KRT86: variants seen among roughly 807,000 people sequenced by gnomAD.
The protein encoded by KRT86 is keratin 86.
Under a neutral mutation model 41.2 loss-of-function variants are expected in KRT86, and 30 were observed. That is an observed-to-expected ratio of 0.73 (90% CI 0.54 to 0.99). The LOEUF (loss-of-function observed/expected upper bound fraction) is 0.99, where lower values mean the gene tolerates loss of function less well. Among genes scored for constraint, KRT86 ranks in the 50% least tolerant of loss-of-function variants. The probability of loss-of-function intolerance (pLI) is 0.00; values close to 1 mark genes in which losing one functional copy is unlikely to be tolerated. For synonymous variants in KRT86, 238 were observed against 238.1 expected (o/e 1.00, Z 0.00); for missense variants, 561 against 571.4 (o/e 0.98, Z 0.19).
At chr12:52,297,493 T>C (rs1451436022) in intron 2 of KRT86, among the ~76,000 whole-genome samples, 1 of 152,196 alleles carries the variant, frequency 6.6e-6, no homozygotes, top group South Asian at 2.1e-4. Context: ...TCAACTATCT[T>C]GAGGAGTCTG....
In KRT86 at chr12:52,305,272, C is replaced by T. The variant is rs371492790; in HGVS notation, c.768C>T (p.Asp256=). The T allele has an allele frequency of 6.2e-7, 1 of 1,614,232 alleles. No individual in the cohort carries two copies. Residue 256 remains aspartate (D), a synonymous_variant, in exon 7 of 11, where the codon GAC becomes GAT. Coordinates refer to ENST00000423955, the MANE Select transcript of KRT86 (RefSeq NM_001320198.2). Reference sequence around the variant, plus strand: ...GCGTTCTCCAGTCCCACATCTCAGACACCTCCGTGGTTGTCAAGCTGGACA... The same window carrying T: ...GCGTTCTCCAGTCCCACATCTCAGATACCTCCGTGGTTGTCAAGCTGGACA... The part of the protein sequence containing the change: ...EIRVLQSHIS[D]TSVVVKLDNS...
intron 2 of KRT86, chr12:52,291,234 T>C (rs1938107434): frequency 1.3e-6 from 2 of 1,494,762 alleles, no homozygotes; most frequent in Non-Finnish European, 9.0e-7. Flanking sequence ...ACGGTGGTGA[T>C]GCATGGGGGA....
chr12:52,298,200 G>T (rs1938291574), intron 2 of KRT86, among the ~76,000 whole-genome samples: 1 of 152,182 alleles, frequency 6.6e-6, no homozygotes, highest in Non-Finnish European at 1.5e-5. Flanking sequence ...GAGGCAATCA[G>T]GCTGGAGCAG....
At chr12:52,298,922 A>G (rs528689995) in intron 2 of KRT86, among the ~76,000 whole-genome samples, 2 of 151,906 alleles carry the variant, frequency 1.3e-5, no homozygotes, top group African/African-American at 2.4e-5. Flanking sequence ...TGGAATATCC[A>G]TCACCTCAAA....
chr12:52,308,914 G>T lies in KRT86; in HGVS notation c.*329G>T. ...GCTCTTCCCCAAAGCTTGGAGGAAC[G>T]GGGGAGGCCCGGGAATGTCCCTGTC... is the stretch of plus-strand genomic sequence containing the variant. On this transcript the variant is annotated 3_prime_UTR_variant, in exon 11 of 11. Coordinates refer to ENST00000423955, the MANE Select transcript of KRT86 (RefSeq NM_001320198.2). 2.7e-6 allele frequency: 1 copy of T among 368,154 alleles called. No individual in the cohort carries two copies. Among genetic ancestry groups the T allele is most frequent in the Non-Finnish European group, 5.1e-6 (1 of 197,738 alleles). 22.8% of individuals were successfully genotyped at this position (368,154 alleles called of 1,614,324 possible).
At position 52,285,209 on chromosome 12, in the gene KRT86, A is replaced by G. The variant is rs1268331941; in HGVS notation, c.-5+9263A>G. On this transcript the variant is annotated intron_variant, in intron 2 of 10. Transcript: ENST00000423955. ...AATACATTGCCCAACCCACTCACCTAGGAAGGACCAGGGCCCAGCTTGGGG... is the reference window on the plus strand; with the variant it reads ...AATACATTGCCCAACCCACTCACCTGGGAAGGACCAGGGCCCAGCTTGGGG... Among the ~76,000 whole-genome samples, 5 of 152,332 alleles carry G rather than the reference A, an allele frequency of 3.3e-5. No homozygotes were observed. The East Asian group carries it at 9.6e-4, about 29-fold the overall frequency.
In KRT86 at chr12:52,283,526, T is replaced by C. The variant is rs1937833054; in HGVS notation, c.-5+7580T>C. 3.1e-5 allele frequency among the ~76,000 whole-genome samples: 4 copies of C among 127,648 alleles called. No homozygotes were observed. In the South Asian group the frequency reaches 1.1e-3, roughly 36 times the overall value. 83.7% of individuals were successfully genotyped at this position (127,648 alleles called of 152,430 possible). On this transcript the variant is annotated intron_variant, in intron 2 of 10. Coordinates refer to ENST00000423955, the MANE Select transcript of KRT86 (RefSeq NM_001320198.2). ...AGAGTCTCGCTCTTGTTGCCCAGGC[T>C]GGAATGCAATGGCGCCATCTTGGCT...
intron 2 of KRT86, among the ~76,000 whole-genome samples, chr12:52,295,220 A>G (rs1938220906): frequency 6.6e-6 from 1 of 152,110 alleles, no homozygotes; most frequent in Non-Finnish European, 1.5e-5. Context: ...TTTGATGTTC[A>G]TCTTATACCA....
chr12:52,304,470 A>ATTC lies in KRT86; in HGVS notation c.639+300_639+301insTCT, dbSNP rs1186927909. Reference sequence around the variant, plus strand: ...GCTGAGGCCCCTGGAGCCATAGCAGATACAATGTCTCTGCTGAGAGACAGT... The same window carrying ATTC: ...GCTGAGGCCCCTGGAGCCATAGCAGATTCTACAATGTCTCTGCTGAGAGACAGT... On this transcript the variant is annotated intron_variant, in intron 5 of 10. Coordinates refer to ENST00000423955, the MANE Select transcript of KRT86 (RefSeq NM_001320198.2). 4.1e-3 allele frequency among the ~76,000 whole-genome samples: 620 copies of ATTC among 149,482 alleles called. 2 individuals are homozygous for ATTC. The highest frequency in any genetic ancestry group is 0.014 in the African/African-American group (582 of 40,690).
chr12:52,295,306 A>G (rs1565744919), intron 2 of KRT86, among the ~76,000 whole-genome samples: 1 of 151,976 alleles, frequency 6.6e-6, no homozygotes. Flanking sequence ...GGTTGGTGTT[A>G]TTATTCTCGT....
Position 52,308,551 on chromosome 12 carries a change from T to G in KRT86, c.1427T>G (p.Val476Gly), listed in dbSNP as rs1261782797. The change falls in exon 11 of 11, where the codon GTT becomes GGT. Residue 476 changes from valine (V) to glycine (G), a missense_variant. Around this residue, in one of 3 missense-constraint regions of KRT86, gnomAD observed 397 missense variants for 375.9 expected, o/e 1.06. Transcript: ENST00000423955. The part of the protein sequence containing the change: ...TTNACAPSAR[V>G]GVCGGSCKRC Reference sequence around the variant, plus strand: ...AACGCCTGCGCCCCCTCCGCCCGGGTTGGCGTCTGCGGCGGCAGCTGTAAG... The same window carrying G: ...AACGCCTGCGCCCCCTCCGCCCGGGGTGGCGTCTGCGGCGGCAGCTGTAAG... 1 of 1,600,268 alleles carries G rather than the reference T, an allele frequency of 6.2e-7. No individual in the cohort carries two copies. Among genetic ancestry groups the G allele is most frequent in the African/African-American group, 1.3e-5 (1 of 74,914 alleles).
chr12:52,306,629 T>C, intron 9 of KRT86: 1 of 431,542 alleles, frequency 2.3e-6, no homozygotes, highest in South Asian at 2.4e-5. Flanking sequence ...ATTCCTTCTC[T>C]TTTTCCTAGT....
chr12:52,305,862 T>C (rs1382323893), intron 8 of KRT86, 74 bp downstream of exon 8: 14 of 1,611,688 alleles, frequency 8.7e-6, no homozygotes, highest in Admixed American at 3.3e-5. Flanking sequence ...GTGTGCCCTA[T>C]CTGGATCTCA....
chr12:52,291,612 T>C (rs1938128628), intron 2 of KRT86: 2 of 1,296,256 alleles, frequency 1.5e-6, no homozygotes, highest in African/African-American at 1.5e-5. Flanking sequence ...TTGGGGCAAT[T>C]TGCGCTTTAT....
At chr12:52,305,073 G>T (rs771481867) in intron 6 of KRT86, 46 bp downstream of exon 6, 3 of 1,612,028 alleles carry the variant, frequency 1.9e-6, no homozygotes, top group Non-Finnish European at 2.5e-6. Context: ...CAGCAGAGAG[G>T]AGAGATGGGG....
chr12:52,288,050 A>G (rs779043874), intron 2 of KRT86: 40 of 1,613,970 alleles, frequency 2.5e-5, no homozygotes, highest in South Asian at 1.9e-4. Context: ...ACTGTGCCTT[A>G]ATCTCGGCAA....
At chr12:52,286,987 T>G in intron 2 of KRT86, 1 of 1,584,094 alleles carries the variant, frequency 6.3e-7, no homozygotes, top group Middle Eastern at 2.0e-4. Flanking sequence ...ACACCGGAAG[T>G]GAATAATAAT....
In KRT86 at chr12:52,306,114, C is replaced by G. The variant is rs376312545; in HGVS notation, c.1081C>G (p.Leu361Val). The G allele has an allele frequency of 2.2e-4, 363 of 1,613,906 alleles. No individual in the cohort carries two copies. Among genetic ancestry groups the G allele is most frequent in the Non-Finnish European group, 3.0e-4 (356 of 1,180,052 alleles). The change falls in exon 9 of 11, where the codon CTC (leucine) becomes GTC (valine). Residue 361 changes from leucine (L) to valine (V), a missense_variant. Around this residue, in one of 3 missense-constraint regions of KRT86, gnomAD observed 397 missense variants for 375.9 expected, o/e 1.06. Transcript: ENST00000423955. ...GTCTGAGCAGCAGGGTGAGGCGGCC[C>G]TCAGCGATGCCCGCTGCAAGTTGGC... ...AQSEQQGEAA[L>V]SDARCKLAEL...
chr12:52,306,109 C>A lies in KRT86; in HGVS notation c.1076C>A (p.Ala359Glu), dbSNP rs534973333. 9 of 1,613,912 alleles carry A rather than the reference C, an allele frequency of 5.6e-6. No homozygotes were observed. Among genetic ancestry groups the A allele is most frequent in the Non-Finnish European group, 5.1e-6 (6 of 1,180,046 alleles). The change falls in exon 9 of 11, where the codon GCG becomes GAG. Residue 359 changes from alanine to glutamate, a missense_variant. Ala to Glu is a moderately radical substitution (Grantham distance 107). Coordinates refer to ENST00000423955, the MANE Select transcript of KRT86 (RefSeq NM_001320198.2). ...GCTCAGTCTGAGCAGCAGGGTGAGG[C>A]GGCCCTCAGCGATGCCCGCTGCAAG... ...AVAQSEQQGE[A>E]ALSDARCKLA...
Sources: allele counts gnomAD v4.1 joint callset (sites outside exome capture counted in the v4.1 genomes callset), GRCh38; gene constraint gnomAD v4.1.1; regional missense constraint gnomAD v4.1.1; transcripts MANE v1.5; gene names NCBI Gene and HGNC (gene_info 2026-07-23, HGNC 2026-07-21).